The following SLC39A12 variants were observed in gnomAD, a reference collection of about 807,000 sequenced individuals.
The protein encoded by SLC39A12 is zinc transporter ZIP12.
SLC39A12 carries 63 observed loss-of-function variants against 71.1 expected under a neutral mutation model. The ratio of observed to expected loss-of-function variants is 0.89; its 90% CI spans 0.72 to 1.09. The LOEUF (loss-of-function observed/expected upper bound fraction) is 1.09, where lower values mean the gene tolerates loss of function less well. Ranked by LOEUF, SLC39A12 falls within the 50% of genes least tolerant of loss-of-function variation. The pLI is 0.00. For synonymous variants in SLC39A12, 351 were observed against 301.3 expected (o/e 1.16, Z -1.71); for missense variants, 892 against 812.6 (o/e 1.10, Z -1.19).
At chr10:17,982,800 C>T (rs80350242) in intron 6 of SLC39A12, among the ~76,000 whole-genome samples, 6,697 of 152,070 alleles carry the variant, frequency 0.044, 233 homozygotes, top group South Asian at 0.09. Flanking sequence ...AAATTAAGGC[C>T]TCGGAAAAAA....
intron 2 of SLC39A12, 52 bp downstream of exon 2, chr10:17,953,589 A>G (rs782292279): frequency 6.3e-7 from 1 of 1,584,358 alleles, no homozygotes; most frequent in Non-Finnish European, 8.6e-7. Flanking sequence ...AAAGAAAGCA[A>G]TGGATTCTAT....
At chr10:17,995,942 T>G (rs1335589164) in intron 10 of SLC39A12, among the ~76,000 whole-genome samples, 1 of 152,264 alleles carries the variant, frequency 6.6e-6, no homozygotes, top group Non-Finnish European at 1.5e-5. Context: ...AAATGAAGTT[T>G]TTCTTAGTTG....
rs1835428898 is a variant in SLC39A12 at position 17,987,493 on chromosome 10, A to G, written c.1111A>G (p.Thr371Ala). 6.2e-7 allele frequency: 1 copy of G among 1,613,854 alleles called. No individual in the cohort carries two copies. Reference protein sequence around the residue: ...PTTLEKYGYSTVAVTLLTLGS... With the variant: ...PTTLEKYGYSAVAVTLLTLGS... The stretch of plus-strand genomic sequence containing the variant: ...CTTTGACTTAGAATACGGCTACAGC[A>G]CGGTGGCTGTCACCCTTCTCACACT... Residue 371 changes from threonine to alanine, a missense_variant, in exon 7 of 13, where the codon ACG (threonine) becomes GCG (alanine). Thr to Ala is a moderately conservative substitution (Grantham distance 58). Coordinates refer to ENST00000377369, the MANE Select transcript of SLC39A12 (RefSeq NM_001145195.2).
intron 12 of SLC39A12, among the ~76,000 whole-genome samples, chr10:18,037,597 A>G (rs1443002586): frequency 1.3e-5 from 2 of 148,800 alleles, no homozygotes; most frequent in Non-Finnish European, 2.9e-5. Flanking sequence ...TATGAGAAGT[A>G]AAAGGGGGGA....
chr10:17,978,206 C>T, intron 5 of SLC39A12, 132 bp downstream of exon 5: 1 of 692,088 alleles, frequency 1.4e-6, no homozygotes, highest in East Asian at 3.1e-5. Context: ...TATTCTAGTT[C>T]CACCACGTAG....
At chr10:18,035,837 C>T (rs1836990257) in intron 12 of SLC39A12, among the ~76,000 whole-genome samples, 1 of 152,160 alleles carries the variant, frequency 6.6e-6, no homozygotes, top group Non-Finnish European at 1.5e-5. Context: ...GTGTGGATGT[C>T]CTTTCTGTTT....
Position 18,022,810 on chromosome 10 carries a change from T to A in SLC39A12, c.1947+19452T>A, listed in dbSNP as rs893932505. On this transcript the variant is annotated intron_variant, in intron 12 of 12. Coordinates refer to ENST00000377369, the MANE Select transcript of SLC39A12 (RefSeq NM_001145195.2). ...ATTTGAGCCTGGTCGGTTAGCTTCA[T>A]TTCTGGATGTTTCCAGAGGGCCAAG... Among the ~76,000 whole-genome samples the A allele has an allele frequency of 3.9e-5, 6 of 152,346 alleles. No homozygotes were observed. In the East Asian group the frequency reaches 1.2e-3, roughly 29 times the overall value.
At chr10:18,000,165 G>A (rs988957131) in intron 10 of SLC39A12, among the ~76,000 whole-genome samples, 17 of 152,244 alleles carry the variant, frequency 1.1e-4, no homozygotes, top group Admixed American at 2.6e-4. Flanking sequence ...AAGGGGCAAG[G>A]GAACTCCTTG....
chr10:18,025,043 C>T (rs1488583027), intron 12 of SLC39A12, among the ~76,000 whole-genome samples: 5 of 152,026 alleles, frequency 3.3e-5, no homozygotes, highest in African/African-American at 1.2e-4. Context: ...CTGTTATAAT[C>T]TCTGTCTTTT....
chr10:18,026,789 C>T (rs1010550127), intron 12 of SLC39A12, among the ~76,000 whole-genome samples: 44 of 152,026 alleles, frequency 2.9e-4, no homozygotes, highest in African/African-American at 1.0e-3. Context: ...TCTCTTTAGC[C>T]ATGTCTAATC....
At position 17,987,504 on chromosome 10, in the gene SLC39A12, C is replaced by T; in HGVS notation, c.1122C>T (p.Val374=). The T allele has an allele frequency of 6.2e-7, 1 of 1,614,068 alleles. No individual in the cohort carries two copies. The highest frequency in any genetic ancestry group is 8.5e-7 in the Non-Finnish European group (1 of 1,179,990). The change falls in exon 7 of 13, where the codon GTC becomes GTT. Residue 374 remains valine (V), a synonymous_variant. Transcript: ENST00000377369. The stretch of plus-strand genomic sequence containing the variant: ...AATACGGCTACAGCACGGTGGCTGT[C>T]ACCCTTCTCACACTGGGCTCCATGC... ...LEKYGYSTVA[V]TLLTLGSMLG... is the part of the protein sequence containing the mutation.
At chr10:18,015,598 C>G (rs954885368) in intron 12 of SLC39A12, among the ~76,000 whole-genome samples, 1 of 151,330 alleles carries the variant, frequency 6.6e-6, no homozygotes, top group Admixed American at 6.6e-5. Context: ...ATCAAACACT[C>G]TAGTAACTCG....
At chr10:18,040,924 G>A (rs1323916844) in intron 12 of SLC39A12, among the ~76,000 whole-genome samples, 1 of 151,948 alleles carries the variant, frequency 6.6e-6, no homozygotes, top group East Asian at 1.9e-4. Context: ...AGGCATTTTT[G>A]CTTGCCATGA....
chr10:17,979,558 TACATTCTGTC>T (rs1835201814), intron 5 of SLC39A12, among the ~76,000 whole-genome samples: 1 of 152,320 alleles, frequency 6.6e-6, no homozygotes, highest in African/African-American at 2.4e-5. Context: ...ATGAAATAAT[TACATTCTGTC>T]AATAACAAGT....
chr10:18,034,168 C>A (rs1162069407), intron 12 of SLC39A12, among the ~76,000 whole-genome samples: 1 of 151,980 alleles, frequency 6.6e-6, no homozygotes, highest in Non-Finnish European at 1.5e-5. Flanking sequence ...CTATTAGGTC[C>A]ACTTGGTGCA....
chr10:17,965,802 AC>A, intron 4 of SLC39A12, 112 bp downstream of exon 4: 1 of 854,366 alleles, frequency 1.2e-6, no homozygotes, highest in Admixed American at 2.7e-5. Context: ...TGTTTTAAAT[AC>A]CATTTTTTAT....
intron 8 of SLC39A12, among the ~76,000 whole-genome samples, chr10:17,991,508 A>T (rs1034977221): frequency 5.3e-5 from 8 of 152,166 alleles, no homozygotes; most frequent in African/African-American, 1.9e-4. Flanking sequence ...GTACTTATTA[A>T]GACCTTTTGT....
At chr10:17,953,809 C>T (rs4433476) in intron 2 of SLC39A12, among the ~76,000 whole-genome samples, 41,089 of 151,818 alleles carry the variant, frequency 0.27, 5,752 homozygotes, top group South Asian at 0.34. Flanking sequence ...TATTTGTGAG[C>T]GCGAACTTTT....
chr10:17,977,969 A>G lies in SLC39A12; in HGVS notation c.819A>G (p.Gln273=), dbSNP rs777219781. The change falls in exon 5 of 13, where the codon CAA becomes CAG. Residue 273 remains glutamine, a synonymous_variant. Transcript: ENST00000377369. ...GTATCAAAAATGAGAAAATCCATCA[A>G]TTTCAAAGGAAACAAAACAACATAA... ...STCIKNEKIH[Q]FQRKQNNIIT... is the part of the protein sequence containing the mutation. The G allele has an allele frequency of 7.1e-5, 114 of 1,611,970 alleles. No individual in the cohort carries two copies. The highest frequency in any genetic ancestry group is 5.3e-5 in the Non-Finnish European group (62 of 1,179,194).
Sources: allele counts gnomAD v4.1 joint callset (sites outside exome capture counted in the v4.1 genomes callset), GRCh38; gene constraint gnomAD v4.1.1; transcripts MANE v1.5; gene names NCBI Gene and HGNC (gene_info 2026-07-23, HGNC 2026-07-21).